Variants in FAM177A1 observed in about 807,000 individuals in gnomAD.
FAM177A1 encodes the protein protein FAM177A1.
In FAM177A1, 22 loss-of-function variants were observed where a neutral mutation model predicts 26.1. The observed-to-expected ratio is 0.84, with a 90% CI of 0.60 to 1.20. FAM177A1 has a LOEUF of 1.20. Ranked by LOEUF, FAM177A1 falls within the 50% of genes most tolerant of loss-of-function variation. The pLI, the probability that FAM177A1 is intolerant of heterozygous loss-of-function variation, is 0.00. For synonymous variants in FAM177A1, 95 were observed against 99.3 expected (o/e 0.96, Z 0.26); for missense variants, 296 against 291.1 (o/e 1.02, Z -0.12).
At chr14:35,077,814 T>C (rs981317579) in intron 3 of FAM177A1, among the ~76,000 whole-genome samples, 1 of 152,156 alleles carries the variant, frequency 6.6e-6, no homozygotes, top group Non-Finnish European at 1.5e-5. Context: ...TTAACAGCTA[T>C]TTTGCTGCTT....
intron 2 of FAM177A1, among the ~76,000 whole-genome samples, chr14:35,064,948 C>T (rs1360874208): frequency 2.6e-5 from 4 of 152,104 alleles, no homozygotes; most frequent in African/African-American, 9.7e-5. Context: ...AGATTACAGG[C>T]GTGAGCCACC....
At chr14:35,047,767 CAACAACAACAACAACA>C (rs1446904042) in intron 1 of FAM177A1, among the ~76,000 whole-genome samples, 1 of 128,186 alleles carries the variant, frequency 7.8e-6, no homozygotes, top group Non-Finnish European at 1.7e-5. Flanking sequence ...ACAACAACAA[CAACAACAACAACAACA>C]AAAAAAAAAC....
At chr14:35,058,700 C>T (rs1392818549) in intron 2 of FAM177A1, among the ~76,000 whole-genome samples, 1 of 152,014 alleles carries the variant, frequency 6.6e-6, no homozygotes, top group African/African-American at 2.4e-5. Context: ...TGTAATGAGA[C>T]CTTGTCTCTA....
At chr14:35,075,174 G>T (rs2045376602) in intron 2 of FAM177A1, among the ~76,000 whole-genome samples, 1 of 152,208 alleles carries the variant, frequency 6.6e-6, no homozygotes. Flanking sequence ...GATAACATCT[G>T]TTTGGCAAGC....
intron 2 of FAM177A1, among the ~76,000 whole-genome samples, 200 bp downstream of exon 2, chr14:35,053,651 A>G (rs890481528): frequency 2.0e-5 from 3 of 152,184 alleles, no homozygotes; most frequent in African/African-American, 7.2e-5. Flanking sequence ...AGTAGCCTGA[A>G]ACAGCTTGTT....
intron 2 of FAM177A1, among the ~76,000 whole-genome samples, chr14:35,065,548 A>G (rs2045229158): frequency 6.6e-6 from 1 of 151,996 alleles, no homozygotes; most frequent in Admixed American, 6.6e-5. Flanking sequence ...GAATCCTTTT[A>G]TATAGACAGA....
At chr14:35,051,154 G>C (rs117720204) in intron 1 of FAM177A1, among the ~76,000 whole-genome samples, 39,299 of 152,050 alleles carry the variant, frequency 0.26, 5,288 homozygotes, top group East Asian at 0.37. Context: ...GAGTCTCGCT[G>C]TGTGACCCAG....
intron 1 of FAM177A1, 116 bp from the exon 2 acceptor site, chr14:35,053,162 A>G: frequency 1.0e-6 from 1 of 958,892 alleles, no homozygotes; most frequent in Non-Finnish European, 1.5e-6. Flanking sequence ...GAACAAACCA[A>G]AACTGCTTAA....
At chr14:35,075,852 C>T (rs2045386279) in intron 2 of FAM177A1, among the ~76,000 whole-genome samples, 1 of 152,206 alleles carries the variant, frequency 6.6e-6, no homozygotes, top group Non-Finnish European at 1.5e-5. Flanking sequence ...AAAAAATGCT[C>T]ATCATCACTG....
At chr14:35,060,109 G>T (rs1407379069) in intron 2 of FAM177A1, among the ~76,000 whole-genome samples, 1 of 152,134 alleles carries the variant, frequency 6.6e-6, no homozygotes, top group Admixed American at 6.6e-5. Context: ...GAGTAACTGG[G>T]CTTACTGGCA....
At position 35,078,958 on chromosome 14, in the gene FAM177A1, T is replaced by C; in HGVS notation, c.438T>C (p.Ser146=). 1 of 1,551,088 alleles carries C rather than the reference T, an allele frequency of 6.4e-7. No individual in the cohort carries two copies. Among genetic ancestry groups the C allele is most frequent in the South Asian group, 1.3e-5 (1 of 79,448 alleles). ...VCDFLGEKIA[S]VLGISTPKYQ... ...ACTTCCTTGGAGAGAAGATTGCATC[T>C]GTTTTGGGTATCAGCACCCCAAAGT... The change falls in exon 4 of 5, where the codon TCT becomes TCC. Residue 146 remains serine (S), a synonymous_variant. Transcript: ENST00000280987.
At chr14:35,077,519 A>C (rs1202601810) in intron 3 of FAM177A1, among the ~76,000 whole-genome samples, 2 of 113,824 alleles carry the variant, frequency 1.8e-5, no homozygotes, top group Non-Finnish European at 3.3e-5. Flanking sequence ...TCTGTCGCCC[A>C]GGCCGGACTG....
upstream of FAM177A1, chr14:35,046,256 G>C: frequency 2.1e-6 from 1 of 465,324 alleles, no homozygotes; most frequent in Non-Finnish European, 3.6e-6. Context: ...CGCGCGAGCC[G>C]GTAGTTGCGC....
At chr14:35,067,515 A>G (rs1397820973) in intron 2 of FAM177A1, among the ~76,000 whole-genome samples, 1 of 152,206 alleles carries the variant, frequency 6.6e-6, no homozygotes, top group Non-Finnish European at 1.5e-5. Context: ...TCTTTGATAT[A>G]CTGATTCCAG....
rs1415168325 is a variant in FAM177A1, at chr14:35,082,939, C to A, written c.*1711C>A. The A allele has an allele frequency of 6.6e-6, 1 of 152,152 alleles. No homozygotes were observed. Among genetic ancestry groups the A allele is most frequent in the African/African-American group, 2.4e-5 (1 of 41,430 alleles). 9.4% of individuals were successfully genotyped at this position (152,152 alleles called of 1,614,324 possible). A position where few individuals can be genotyped will look rare whatever the true frequency, so the allele number is the denominator to read the frequency against. ...GTGGTTCATAGTAAGTGATGGTAAT[C>A]TTTTTATTCATGGGTGTAAACCCTT... On this transcript the variant is annotated 3_prime_UTR_variant, in exon 5 of 5. Transcript: ENST00000280987.
chr14:35,060,695 ATAGTTTAGCCTG>A (rs2138541077), intron 2 of FAM177A1, among the ~76,000 whole-genome samples: 1 of 152,330 alleles, frequency 6.6e-6, no homozygotes, highest in Non-Finnish European at 1.5e-5. Context: ...TAGCTAGCCT[ATAGTTTAGCCTG>A]TATTTTTATT....
chr14:35,052,720 T>C (rs748294329), intron 1 of FAM177A1, among the ~76,000 whole-genome samples: 3 of 152,076 alleles, frequency 2.0e-5, no homozygotes, highest in Admixed American at 6.6e-5. Flanking sequence ...AGGCCAGTAG[T>C]TGGAGACCAA....
chr14:35,045,315 A>G (rs2044844318), upstream of FAM177A1: 1 of 152,178 alleles, frequency 6.6e-6, no homozygotes, highest in South Asian at 2.1e-4. Flanking sequence ...TTTGTTTTTT[A>G]AAGTTTTTGG....
intron 4 of FAM177A1, 106 bp downstream of exon 4, chr14:35,079,130 T>G (rs2045441616): frequency 1.4e-6 from 1 of 714,308 alleles, no homozygotes. Flanking sequence ...TGTAGCTCTC[T>G]TATGCTAGGC....
Sources: gnomAD v4.1 joint callset for allele counts (sites outside exome capture counted in the v4.1 genomes callset) on GRCh38, gnomAD v4.1.1 for gene constraint, MANE v1.5 for transcripts, NCBI Gene and HGNC (gene_info 2026-07-23, HGNC 2026-07-21) for gene names.